Variants in LUZP4 observed in about 807,000 individuals in gnomAD.
The protein encoded by LUZP4 is leucine zipper protein 4.
In LUZP4, 11 loss-of-function variants were observed where a neutral mutation model predicts 8.5. That is an observed-to-expected ratio of 1.30 (90% confidence interval 0.82 to 2.14). The LOEUF is 2.14. Ranked by LOEUF, LUZP4 falls within the 30% of genes most tolerant of loss-of-function variation. The pLI, the probability that LUZP4 is intolerant of heterozygous loss-of-function variation, is 0.00. For synonymous variants in LUZP4, 104 were observed against 79.4 expected (o/e 1.31, Z -1.65); for missense variants, 276 against 229.7 (o/e 1.20, Z -1.30).
At chrX:115,292,926 G>C (rs781937105) in intron 1 of LUZP4, among the ~76,000 whole-genome samples, 1 of 110,553 alleles carries the variant, frequency 9.0e-6, no homozygotes, top group Non-Finnish European at 1.9e-5. Flanking sequence ...CTAAGACATG[G>C]TCCCTGTTGA....
intron 1 of LUZP4, among the ~76,000 whole-genome samples, chrX:115,293,046 T>C (rs1556597483): frequency 9.0e-6 from 1 of 110,550 alleles, no homozygotes; most frequent in Non-Finnish European, 1.9e-5. Flanking sequence ...GGGCTGGGAC[T>C]AGGGTGAGGT....
At chrX:115,298,295 G>A (rs2073379879) in intron 1 of LUZP4, among the ~76,000 whole-genome samples, 1 of 112,121 alleles carries the variant, frequency 8.9e-6, no homozygotes, top group Admixed American at 9.4e-5. Flanking sequence ...TCAAACTCCT[G>A]ACATCAAGTG....
Position 115,306,708 on chromosome X carries a change from C to T in LUZP4, c.846C>T (p.Ala282=), listed in dbSNP as rs782583901. ...TAGTCACTCAGAGAGATCTCGTGGC[C>T]ACTGAGAGAGATCTCATAAATCAGT... ...DLIVTQRDLV[A]TERDLINQSG... Residue 282 remains alanine (A), a synonymous_variant, in exon 4 of 4, where the codon GCC becomes GCT. Coordinates refer to ENST00000371920, the MANE Select transcript of LUZP4 (RefSeq NM_016383.5). 8.3e-7 allele frequency: 1 copy of T among 1,211,006 alleles called. No individual in the cohort carries two copies. The highest frequency in any genetic ancestry group is 2.2e-5 in the Admixed American group (1 of 45,915).
rs781929548 is a variant in LUZP4, at chrX:115,290,783, A to AGG, written c.91+936_91+937dup. On this transcript the variant is annotated intron_variant, in intron 1 of 3. Coordinates refer to ENST00000371920, the MANE Select transcript of LUZP4 (RefSeq NM_016383.5). ...AAAACAGAAAAGGGCTACTTTAGTT[A>AGG]GGGGTGTGTGTGTGTGTGTGAAACG... Among the ~76,000 whole-genome samples, 7 of 109,122 alleles carry AGG rather than the reference A, an allele frequency of 6.4e-5. No individual in the cohort carries two copies. In the East Asian group the frequency reaches 8.7e-4, roughly 14 times the overall value. The allele number at this position is 109,122 out of a possible 115,157, so 94.8% of individuals were successfully genotyped here. A position where few individuals can be genotyped will look rare whatever the true frequency, so the allele number is the denominator to read the frequency against.
chrX:115,289,765 T>C lies in LUZP4; in HGVS notation c.6T>C (p.Ala2=), dbSNP rs1556595765. The C allele has an allele frequency of 1.7e-6, 2 of 1,206,914 alleles. No homozygotes were observed. The highest frequency in any genetic ancestry group is 2.2e-6 in the Non-Finnish European group (2 of 891,768). ...GGCGCCATGATGCAGGGAAGATGGCTTCGTTTCGGAAGCTAACGCTTTCTG... is the reference window on the plus strand; with the variant it reads ...GGCGCCATGATGCAGGGAAGATGGCCTCGTTTCGGAAGCTAACGCTTTCTG... M[A]SFRKLTLSEK... Residue 2 remains alanine, a synonymous_variant, in exon 1 of 4, where the codon GCT becomes GCC. Transcript: ENST00000371920.
rs782438815 is a variant in LUZP4 at position 115,306,908 on chromosome X, A to T, written c.*104A>T. On this transcript the variant is annotated 3_prime_UTR_variant, in exon 4 of 4. Coordinates refer to ENST00000371920, the MANE Select transcript of LUZP4 (RefSeq NM_016383.5). ...GAAACATGTATATTGGGACAAAGAC[A>T]TAAATATTAGAATGGAGGTAATACA... is the stretch of plus-strand genomic sequence containing the variant. 179 of 762,356 alleles carry T rather than the reference A, an allele frequency of 2.3e-4. No homozygotes were observed. Among genetic ancestry groups the T allele is most frequent in the Middle Eastern group, 4.6e-4 (1 of 2,159 alleles). The allele number at this position is 762,356 out of a possible 1,213,427, so 62.8% of individuals were successfully genotyped here.
chrX:115,290,954 T>C (rs1184340202), intron 1 of LUZP4, among the ~76,000 whole-genome samples: 3 of 110,848 alleles, frequency 2.7e-5, no homozygotes, highest in African/African-American at 9.9e-5. Flanking sequence ...GTCTAGGTTT[T>C]TGTTTTTTTG....
chrX:115,290,113 C>G (rs782500361), intron 1 of LUZP4, among the ~76,000 whole-genome samples: 1 of 110,745 alleles, frequency 9.0e-6, no homozygotes, highest in South Asian at 3.9e-4. Flanking sequence ...ACCAGAAGCG[C>G]GTGGGGATTA....
chrX:115,302,100 C>G lies in LUZP4; in HGVS notation c.200C>G (p.Ala67Gly). Residue 67 changes from alanine (A) to glycine (G), a missense_variant, in exon 2 of 4, where the codon GCT becomes GGT. Ala to Gly is a moderately conservative substitution (Grantham distance 60). Transcript: ENST00000371920. ...KESPSRQQSK[A>G]HRHRHRRGYS... ...TCGCCTTCAAGACAGCAATCAAAAG[C>G]TCATAGACATCGCCATCGGAGAGGT... is the stretch of plus-strand genomic sequence containing the variant. 2 of 1,190,625 alleles carry G rather than the reference C, an allele frequency of 1.7e-6. No homozygotes were observed. The highest frequency in any genetic ancestry group is 3.5e-5 in the African/African-American group (2 of 56,667).
At chrX:115,299,631 G>T (rs1414042730) in intron 1 of LUZP4, among the ~76,000 whole-genome samples, 2 of 111,016 alleles carry the variant, frequency 1.8e-5, no homozygotes, top group African/African-American at 3.3e-5. Context: ...AGGCTCAGGG[G>T]CTCTTAAGTC....
intron 1 of LUZP4, among the ~76,000 whole-genome samples, chrX:115,298,541 C>T (rs1012069429): frequency 1.8e-5 from 2 of 112,445 alleles, no homozygotes; most frequent in African/African-American, 6.5e-5. Flanking sequence ...TTTCTTCAAG[C>T]TCACTAATTC....
intron 1 of LUZP4, among the ~76,000 whole-genome samples, chrX:115,300,259 C>G (rs1459866036): frequency 8.9e-6 from 1 of 111,837 alleles, no homozygotes. Flanking sequence ...AGCACTAAGT[C>G]TTGCCTAAGA....
At chrX:115,302,186 G>A (rs2073400758) in intron 2 of LUZP4, 63 bp downstream of exon 2, 1 of 968,690 alleles carries the variant, frequency 1.0e-6, no homozygotes, top group Non-Finnish European at 1.4e-6. Context: ...TGAATAACTA[G>A]ATAAGTAAAT....
At chrX:115,297,360 T>C (rs1318791681) in intron 1 of LUZP4, among the ~76,000 whole-genome samples, 5 of 112,165 alleles carry the variant, frequency 4.5e-5, no homozygotes, top group Admixed American at 9.5e-5. Context: ...CAGTGAGTTT[T>C]ATACCTTCAG....
chrX:115,297,259 C>T (rs1249497863), intron 1 of LUZP4, among the ~76,000 whole-genome samples: 3 of 111,703 alleles, frequency 2.7e-5, no homozygotes, highest in Non-Finnish European at 5.6e-5. Flanking sequence ...ATTGGTTCAT[C>T]GTTTAGTCTT....
rs782004995 is a variant in LUZP4 at position 115,289,835 on chromosome X, C to G, written c.76C>G (p.Leu26Val). ...NHPSRKKVNF[L>V]DMSLDDIIIY... ...TCCCAGTCGGAAAAAGGTTAACTTC[C>G]TAGATATGTCTCTAGGTATGTAGAT... Residue 26 changes from leucine (L) to valine (V), a missense_variant, in exon 1 of 4, where the codon CTA becomes GTA. Transcript: ENST00000371920. 1 of 1,198,071 alleles carries G rather than the reference C, an allele frequency of 8.3e-7. No individual in the cohort carries two copies. Among genetic ancestry groups the G allele is most frequent in the Non-Finnish European group, 1.1e-6 (1 of 884,038 alleles).
chrX:115,302,127 A>G lies in LUZP4; in HGVS notation c.223+4A>G. 8.5e-7 allele frequency: 1 copy of G among 1,171,547 alleles called. No individual in the cohort carries two copies. The highest frequency in any genetic ancestry group is 2.4e-4 in the Middle Eastern group (1 of 4,190). On this transcript the variant is annotated splice_donor_region_variant and intron_variant, in intron 2 of 3. Coordinates refer to ENST00000371920, the MANE Select transcript of LUZP4 (RefSeq NM_016383.5). Reference sequence around the variant, plus strand: ...CATAGACATCGCCATCGGAGAGGTAAAGTATGCTGAAAATAGTCACACGTG... The same window carrying G: ...CATAGACATCGCCATCGGAGAGGTAGAGTATGCTGAAAATAGTCACACGTG...
rs781847000 is a variant in LUZP4, at chrX:115,289,800, C to T, written c.41C>T (p.Pro14Leu). 5.0e-6 allele frequency: 6 copies of T among 1,207,689 alleles called. No individual in the cohort carries two copies. Among genetic ancestry groups the T allele is most frequent in the Non-Finnish European group, 6.7e-6 (6 of 893,670 alleles). The change falls in exon 1 of 4, where the codon CCG becomes CTG. Residue 14 changes from proline (P) to leucine (L), a missense_variant. Transcript: ENST00000371920. ...AAGCTAACGCTTTCTGAAAAAGTGCCGCCAAATCATCCCAGTCGGAAAAAG... is the reference window on the plus strand; with the variant it reads ...AAGCTAACGCTTTCTGAAAAAGTGCTGCCAAATCATCCCAGTCGGAAAAAG... Reference protein sequence around the residue: ...FRKLTLSEKVPPNHPSRKKVN... With the variant: ...FRKLTLSEKVLPNHPSRKKVN...
Position 115,306,196 on chromosome X carries a change from C to A in LUZP4, c.343-9C>A. 8.4e-7 allele frequency: 1 copy of A among 1,196,897 alleles called. No individual in the cohort carries two copies. The highest frequency in any genetic ancestry group is 1.1e-6 in the Non-Finnish European group (1 of 888,003). The stretch of plus-strand genomic sequence containing the variant: ...TTCATTTGTTTTGAATAATTGGGAT[C>A]CTTTTCAGGAGAAGTGCAGTGACAA... On this transcript the variant is annotated splice_polypyrimidine_tract_variant and intron_variant, in intron 3 of 3. Transcript: ENST00000371920.
Sources: allele counts gnomAD v4.1 joint callset (sites outside exome capture counted in the v4.1 genomes callset), GRCh38; gene constraint gnomAD v4.1.1; transcripts MANE v1.5; gene names NCBI Gene and HGNC (gene_info 2026-07-23, HGNC 2026-07-21).